CABCOCO1: variants seen among roughly 807,000 people sequenced by gnomAD.
CABCOCO1 encodes ciliary associated calcium binding coiled-coil 1.
CABCOCO1 carries 28 observed loss-of-function variants against 35.7 expected under a neutral mutation model. The ratio of observed to expected loss-of-function variants is 0.78; its 90% CI spans 0.58 to 1.07. The LOEUF is 1.07. Among genes scored for constraint, CABCOCO1 ranks in the 50% least tolerant of loss-of-function variants. The pLI is 0.00. For synonymous variants in CABCOCO1, 95 were observed against 100.1 expected, an observed-to-expected ratio of 0.95 and a Z score of 0.30; for missense variants, 326 against 309.2, an observed-to-expected ratio of 1.05 and a Z score of -0.41.
At chr10:61,674,335 C>A (rs1196448342) in intron 2 of CABCOCO1, among the ~76,000 whole-genome samples, 3 of 152,106 alleles carry the variant, frequency 2.0e-5, no homozygotes, top group African/African-American at 7.2e-5. Flanking sequence ...CAGCCAGGCT[C>A]AATAGCAGGT....
chr10:61,724,400 A>G (rs1841094447), intron 5 of CABCOCO1, among the ~76,000 whole-genome samples: 1 of 152,214 alleles, frequency 6.6e-6, no homozygotes, highest in Admixed American at 6.5e-5. Context: ...ACCATATACA[A>G]TGATACAGGA....
intron 4 of CABCOCO1, 57 bp downstream of exon 4, chr10:61,686,242 T>C: frequency 7.1e-7 from 1 of 1,412,430 alleles, no homozygotes; most frequent in Non-Finnish European, 9.5e-7. Flanking sequence ...GGAAAATGTC[T>C]GTTAAGTAAA....
chr10:61,763,074 C>T (rs187626213), intron 7 of CABCOCO1, among the ~76,000 whole-genome samples: 8 of 152,044 alleles, frequency 5.3e-5, no homozygotes, highest in African/African-American at 1.9e-4. Context: ...TTGAACACAC[C>T]GACCTGCTGT....
chr10:61,737,542 A>G (rs1290820429), intron 5 of CABCOCO1, among the ~76,000 whole-genome samples: 1 of 152,196 alleles, frequency 6.6e-6, no homozygotes, highest in Non-Finnish European at 1.5e-5. Flanking sequence ...TAGCAAAGAC[A>G]TGGAATCAAC....
At chr10:61,751,032 C>G (rs576684140) in intron 5 of CABCOCO1, among the ~76,000 whole-genome samples, 1 of 152,104 alleles carries the variant, frequency 6.6e-6, no homozygotes, top group East Asian at 1.9e-4. Context: ...AGCACAAGGG[C>G]GATGACGAGA....
chr10:61,749,969 G>GT (rs1841745404), intron 5 of CABCOCO1, among the ~76,000 whole-genome samples: 1 of 49,446 alleles, frequency 2.0e-5, no homozygotes, highest in Admixed American at 3.4e-4. Context: ...AATGAGAGCT[G>GT]CTTTTTTTTT....
intron 5 of CABCOCO1, among the ~76,000 whole-genome samples, chr10:61,714,161 G>A (rs1238308936): frequency 6.6e-6 from 1 of 152,070 alleles, no homozygotes; most frequent in African/African-American, 2.4e-5. Flanking sequence ...TGGTTGGTAG[G>A]CTACTAATTA....
Position 61,760,153 on chromosome 10 carries a change from C to A in CABCOCO1, c.647C>A (p.Pro216His). 1.9e-6 allele frequency: 3 copies of A among 1,611,808 alleles called. No homozygotes were observed. Among genetic ancestry groups the A allele is most frequent in the African/African-American group, 1.3e-5 (1 of 74,864 alleles). Residue 216 changes from proline to histidine, a missense_variant, in exon 6 of 8, where the codon CCC becomes CAC. Coordinates refer to ENST00000648843, the MANE Select transcript of CABCOCO1 (RefSeq NM_001366906.2). Reference protein sequence around the residue: ...SFDIYSTFIEPPTILDTEMKR... With the variant: ...SFDIYSTFIEHPTILDTEMKR... ...GATATTTATTCAACATTCATAGAGC[C>A]CCCCACAATATTGGATACGGAAATG...
At chr10:61,718,645 T>C (rs1032290825) in intron 5 of CABCOCO1, among the ~76,000 whole-genome samples, 1 of 152,194 alleles carries the variant, frequency 6.6e-6, no homozygotes, top group African/African-American at 2.4e-5. Flanking sequence ...ACCAATCAAG[T>C]TGTCATTTTG....
At chr10:61,718,413 T>G (rs1370843184) in intron 5 of CABCOCO1, among the ~76,000 whole-genome samples, 2 of 152,150 alleles carry the variant, frequency 1.3e-5, no homozygotes, top group African/African-American at 4.8e-5. Flanking sequence ...CTCAATCAAC[T>G]AAGTGTAAAT....
intron 5 of CABCOCO1, among the ~76,000 whole-genome samples, chr10:61,734,770 GAGA>G (rs1489565087): frequency 6.6e-6 from 1 of 152,060 alleles, no homozygotes; most frequent in African/African-American, 2.4e-5. Context: ...CATTATCAAA[GAGA>G]TTGTGAGTGA....
chr10:61,686,080 G>A lies in CABCOCO1; in HGVS notation c.374G>A (p.Gly125Glu), dbSNP rs776643809. 2.5e-6 allele frequency: 4 copies of A among 1,607,760 alleles called. No individual in the cohort carries two copies. Among genetic ancestry groups the A allele is most frequent in the Non-Finnish European group, 3.4e-6 (4 of 1,178,420 alleles). Reference protein sequence around the residue: ...MSLEESIKWLGEVMAEIGPTH... With the variant: ...MSLEESIKWLEEVMAEIGPTH... The stretch of plus-strand genomic sequence containing the variant: ...TTAGAGGAAAGCATAAAATGGCTTG[G>A]AGAAGTTATGGCTGAAATAGGACCA... The change falls in exon 4 of 8, where the codon GGA (glycine) becomes GAA (glutamate). Residue 125 changes from glycine (G) to glutamate (E), a missense_variant. Gly to Glu is a moderately conservative substitution (Grantham distance 98, BLOSUM62 -2). Coordinates refer to ENST00000648843, the MANE Select transcript of CABCOCO1 (RefSeq NM_001366906.2).
intron 2 of CABCOCO1, among the ~76,000 whole-genome samples, chr10:61,675,311 TC>T (rs1255495142): frequency 6.6e-6 from 1 of 152,166 alleles, no homozygotes; most frequent in African/African-American, 2.4e-5. Context: ...CATAGCAATA[TC>T]TTCCTTCAGA....
intron 5 of CABCOCO1, among the ~76,000 whole-genome samples, chr10:61,705,733 G>A (rs1194281817): frequency 1.3e-5 from 2 of 152,204 alleles, no homozygotes. Flanking sequence ...AACATGTAGT[G>A]CAAAGGGAAG....
At chr10:61,710,101 A>G (rs749921469) in intron 5 of CABCOCO1, among the ~76,000 whole-genome samples, 5 of 152,070 alleles carry the variant, frequency 3.3e-5, no homozygotes, top group Non-Finnish European at 2.9e-5. Flanking sequence ...TTGCCTGATT[A>G]CTAATAAAAA....
At chr10:61,711,299 G>T (rs1840728799) in intron 5 of CABCOCO1, among the ~76,000 whole-genome samples, 1 of 151,886 alleles carries the variant, frequency 6.6e-6, no homozygotes, top group East Asian at 1.9e-4. Flanking sequence ...TGGAAAATAT[G>T]TATACCACGT....
chr10:61,703,936 G>A (rs1840530506), intron 5 of CABCOCO1, among the ~76,000 whole-genome samples: 1 of 152,148 alleles, frequency 6.6e-6, no homozygotes, highest in Admixed American at 6.5e-5. Flanking sequence ...CAAAGGTCAG[G>A]CGCAGTGGCT....
chr10:61,687,632 G>A (rs1300736050), intron 4 of CABCOCO1, among the ~76,000 whole-genome samples: 1 of 152,096 alleles, frequency 6.6e-6, no homozygotes, highest in African/African-American at 2.4e-5. Context: ...CTGGGCAAAT[G>A]TTCATCTACA....
intron 5 of CABCOCO1, among the ~76,000 whole-genome samples, chr10:61,721,755 C>T (rs2132042265): frequency 6.6e-6 from 1 of 152,274 alleles, no homozygotes; most frequent in South Asian, 2.1e-4. Context: ...AGGAGTGATG[C>T]ATTCCATAGA....
Sources: allele counts gnomAD v4.1 joint callset (sites outside exome capture counted in the v4.1 genomes callset), GRCh38; gene constraint gnomAD v4.1.1; transcripts MANE v1.5; gene names NCBI Gene and HGNC (gene_info 2026-07-23, HGNC 2026-07-21).